EPB41L2: variants seen among roughly 807,000 people sequenced by gnomAD.
The protein encoded by EPB41L2 is band 4.1-like protein 2.
A neutral mutation model predicts 113.0 loss-of-function variants in EPB41L2; 43 were observed. The ratio of observed to expected loss-of-function variants is 0.38; its 90% CI spans 0.30 to 0.49. The LOEUF is 0.49. Among genes scored for constraint, EPB41L2 ranks in the 20% least tolerant of loss-of-function variants. EPB41L2 has a pLI of 0.95. For synonymous variants in EPB41L2, 442 were observed against 436.7 expected, an observed-to-expected ratio of 1.01 and a Z score of -0.15; for missense variants, 1,147 against 1,223.4, an observed-to-expected ratio of 0.94 and a Z score of 0.93.
chr6:130,840,862 G>C (rs1214887206), intron 19 of EPB41L2, among the ~76,000 whole-genome samples: 1 of 152,146 alleles, frequency 6.6e-6, no homozygotes, highest in Non-Finnish European at 1.5e-5. Context: ...GAATTTATTA[G>C]CATAAAACAG....
intron 3 of EPB41L2, among the ~76,000 whole-genome samples, chr6:130,941,348 G>T (rs1024869980): frequency 5.3e-5 from 8 of 152,132 alleles, no homozygotes; most frequent in Non-Finnish European, 1.2e-4. Context: ...AAAAGACGGA[G>T]AATTGACTAT....
intron 1 of EPB41L2, among the ~76,000 whole-genome samples, chr6:131,007,878 G>C (rs1785962056): frequency 6.6e-6 from 1 of 152,200 alleles, no homozygotes; most frequent in Non-Finnish European, 1.5e-5. Flanking sequence ...GCATTCAGTT[G>C]TATGTGTTCA....
At chr6:130,872,252 C>A in intron 14 of EPB41L2, 1 of 742,232 alleles carries the variant, frequency 1.3e-6, no homozygotes. Context: ...ATGTTTCTCC[C>A]AGGAAGAATT....
intron 4 of EPB41L2, among the ~76,000 whole-genome samples, chr6:130,916,165 AT>A (rs112805715): frequency 4.6e-5 from 7 of 151,726 alleles, no homozygotes; most frequent in East Asian, 3.9e-4. Flanking sequence ...AAGAGGTGGG[AT>A]TTTTTTTTCC....
chr6:130,853,741 A>G (rs1779427549), intron 19 of EPB41L2, among the ~76,000 whole-genome samples: 1 of 152,170 alleles, frequency 6.6e-6, no homozygotes, highest in Non-Finnish European at 1.5e-5. Flanking sequence ...AGCTACTCCA[A>G]AGGGCAAGAT....
At position 131,059,114 on chromosome 6, in the gene EPB41L2, C is replaced by CTTCTTTT. The variant is rs34376821; in HGVS notation, c.-15+4040_-15+4041insAAAAGAA. Among the ~76,000 whole-genome samples, 78 of 131,350 alleles carry CTTCTTTT rather than the reference C, an allele frequency of 5.9e-4. 2 individuals carry two copies. The highest frequency in any genetic ancestry group is 8.7e-4 in the Non-Finnish European group (55 of 62,896). 86.2% of individuals were successfully genotyped at this position (131,350 alleles called of 152,430 possible). ...TCTTTCCTTCTTGGCTTACCTATAA[C>CTTCTTTT]TTTTTTTTTTTTTTTTTTGAGATGG... On this transcript the variant is annotated intron_variant, in intron 1 of 19. Transcript: ENST00000337057.
At chr6:130,967,050 T>C (rs908948453) in intron 1 of EPB41L2, among the ~76,000 whole-genome samples, 1 of 151,456 alleles carries the variant, frequency 6.6e-6, no homozygotes, top group African/African-American at 2.4e-5. Context: ...TGCAGCAACA[T>C]TTTTTTTAAG....
chr6:130,849,091 T>C (rs1262468937), intron 19 of EPB41L2, among the ~76,000 whole-genome samples: 1 of 152,160 alleles, frequency 6.6e-6, no homozygotes, highest in Admixed American at 6.5e-5. Context: ...ATAAGGAGAC[T>C]GGGCCCCAAG....
intron 1 of EPB41L2, chr6:130,970,173 C>T (rs1171395326): frequency 6.6e-6 from 1 of 152,210 alleles, no homozygotes; most frequent in Non-Finnish European, 1.5e-5. Context: ...TGACTAGTCA[C>T]ACTTTCAATA....
chr6:130,878,157 G>T lies in EPB41L2; in HGVS notation c.1990C>A (p.Pro664Thr). 1 of 1,613,428 alleles carries T rather than the reference G, an allele frequency of 6.2e-7. No individual in the cohort carries two copies. Among genetic ancestry groups the T allele is most frequent in the African/African-American group, 1.3e-5 (1 of 74,912 alleles). Residue 664 changes from proline to threonine, a missense_variant, in exon 14 of 20, where the codon CCT (proline) becomes ACT (threonine). Transcript: ENST00000337057. ...ATACGTCGTTTTTCCCATTCATTAG[G>T]GCGCGGCTCAGGTGTGGATTCCATA... ...NFMESTPEPR[P>T]NEWEKRRITP...
chr6:130,937,955 C>T (rs73774318), intron 3 of EPB41L2, among the ~76,000 whole-genome samples: 2,571 of 152,240 alleles, frequency 0.017, 67 homozygotes, highest in African/African-American at 0.048. Context: ...GGAGATCCTA[C>T]ATCTTATCAC....
At chr6:130,901,963 A>T (rs1321639403) in intron 6 of EPB41L2, among the ~76,000 whole-genome samples, 3 of 152,270 alleles carry the variant, frequency 2.0e-5, no homozygotes, top group Non-Finnish European at 4.4e-5. Context: ...CACTACGGTT[A>T]TAAAAGAATT....
chr6:130,894,541 T>G, intron 9 of EPB41L2, 100 bp from the exon 10 acceptor site: 2 of 1,062,068 alleles, frequency 1.9e-6, no homozygotes, highest in East Asian at 4.8e-5. Flanking sequence ...AAGCAATTAT[T>G]CTTCTCAAAA....
intron 3 of EPB41L2, among the ~76,000 whole-genome samples, chr6:130,945,196 T>A (rs1420532192): frequency 6.6e-6 from 1 of 152,206 alleles, no homozygotes; most frequent in African/African-American, 2.4e-5. Context: ...ACTGTTTAAC[T>A]AGTAAACTTA....
Position 130,872,244 on chromosome 6 carries a change from GT to G in EPB41L2, c.2044-2119del, listed in dbSNP as rs964212020. On this transcript the variant is annotated intron_variant, in intron 14 of 19. Coordinates refer to ENST00000337057, the MANE Select transcript of EPB41L2 (RefSeq NM_001431.4). Reference sequence around the variant, plus strand: ...CCAATTCAGTCATTGTTTCTTGAATGTTTCTCCCAGGAAGAATTAATTTCAC... The same window carrying G: ...CCAATTCAGTCATTGTTTCTTGAATGTTCTCCCAGGAAGAATTAATTTCAC... 7.3e-6 allele frequency: 5 copies of G among 681,758 alleles called. No individual in the cohort carries two copies. In the African/African-American group the frequency reaches 7.6e-5, roughly 10 times the overall value. 42.2% of individuals were successfully genotyped at this position (681,758 alleles called of 1,614,324 possible). A position where few individuals can be genotyped will look rare whatever the true frequency, so the allele number is the denominator to read the frequency against.
intron 14 of EPB41L2, chr6:130,876,618 A>G: frequency 9.1e-7 from 1 of 1,093,114 alleles, no homozygotes; most frequent in Non-Finnish European, 1.2e-6. Context: ...CTGTGGATAG[A>G]AACAAAAGGA....
At chr6:130,959,455 A>T (rs1818611435) in intron 1 of EPB41L2, among the ~76,000 whole-genome samples, 2 of 152,212 alleles carry the variant, frequency 1.3e-5, no homozygotes, top group Admixed American at 6.5e-5. Context: ...GAGGCAGAAG[A>T]AAAGGCATGA....
intron 3 of EPB41L2, among the ~76,000 whole-genome samples, chr6:130,949,891 C>T (rs998650351): frequency 2.6e-5 from 4 of 151,994 alleles, no homozygotes; most frequent in Admixed American, 2.0e-4. Flanking sequence ...ATTTTCTCTC[C>T]TTCTTATTTT....
intron 1 of EPB41L2, among the ~76,000 whole-genome samples, chr6:130,997,358 TAAG>T (rs1283113016): frequency 6.6e-6 from 1 of 152,158 alleles, no homozygotes; most frequent in Non-Finnish European, 1.5e-5. Flanking sequence ...ACAAAAGACT[TAAG>T]AGTTCCTGCT....
Sources: allele counts gnomAD v4.1 joint callset (sites outside exome capture counted in the v4.1 genomes callset), GRCh38; gene constraint gnomAD v4.1.1; transcripts MANE v1.5; gene names NCBI Gene and HGNC (gene_info 2026-07-23, HGNC 2026-07-21).